The following R3HDM1 variants were observed in gnomAD, a reference collection of about 807,000 sequenced individuals.
R3HDM1 encodes the protein R3H domain containing 1, also known as R3H domain-containing protein 1.
R3HDM1 carries 46 observed loss-of-function variants against 141.1 expected under a neutral mutation model. That is an observed-to-expected ratio of 0.33 (90% confidence interval 0.26 to 0.42). The LOEUF is 0.42. Among genes scored for constraint, R3HDM1 ranks in the 10% least tolerant of loss-of-function variants. R3HDM1 has a pLI of 1.00. For synonymous variants in R3HDM1, 435 were observed against 472.9 expected (o/e 0.92, Z 1.04); for missense variants, 1,184 against 1,368.3 (o/e 0.87, Z 2.12).
chr2:135,544,134 A>G (rs1406659265), intron 1 of R3HDM1, among the ~76,000 whole-genome samples: 1 of 152,248 alleles, frequency 6.6e-6, no homozygotes, highest in East Asian at 1.9e-4. Context: ...GGAAACCGCT[A>G]AAGAAATTAT....
intron 18 of R3HDM1, 87 bp downstream of exon 18, chr2:135,652,119 C>G (rs980151773): frequency 1.4e-6 from 2 of 1,459,120 alleles, no homozygotes; most frequent in Admixed American, 5.4e-5. Context: ...TTTAAATTCT[C>G]ATGAAGAGAA....
chr2:135,682,885 T>G, intron 21 of R3HDM1, among the ~76,000 whole-genome samples: 1 of 152,052 alleles, frequency 6.6e-6, no homozygotes, highest in Non-Finnish European at 1.5e-5. Flanking sequence ...TAATCCCAGC[T>G]ACTCGGGAGG....
chr2:135,666,789 A>C (rs901165929), intron 19 of R3HDM1, among the ~76,000 whole-genome samples: 1 of 152,168 alleles, frequency 6.6e-6, no homozygotes, highest in African/African-American at 2.4e-5. Context: ...GGCTGGCTTT[A>C]GTTGAACTTG....
At chr2:135,680,075 A>G (rs1449312897) in intron 20 of R3HDM1, 98 bp from the exon 21 acceptor site, 10 of 1,262,040 alleles carry the variant, frequency 7.9e-6, no homozygotes, top group Non-Finnish European at 1.1e-5. Flanking sequence ...GCAAGAATTC[A>G]TCTCGAAAAA....
intron 5 of R3HDM1, chr2:135,620,408 G>C (rs1367607839): frequency 1.2e-6 from 1 of 857,252 alleles, no homozygotes; most frequent in Non-Finnish European, 1.4e-6. Context: ...TGAGTGTAAG[G>C]AAGTTGCCAG....
intron 1 of R3HDM1, among the ~76,000 whole-genome samples, chr2:135,551,610 A>C (rs61259300): frequency 0.044 from 6,750 of 152,326 alleles, 502 homozygotes; most frequent in African/African-American, 0.15. Context: ...TTGCATAGGA[A>C]CACTGATAGT....
At chr2:135,682,956 C>T (rs1574988146) in intron 21 of R3HDM1, among the ~76,000 whole-genome samples, 1 of 152,028 alleles carries the variant, frequency 6.6e-6, no homozygotes, top group South Asian at 2.1e-4. Flanking sequence ...CAGATTGCAC[C>T]ACAGCACTTC....
intron 24 of R3HDM1, among the ~76,000 whole-genome samples, chr2:135,716,369 T>C (rs566021841): frequency 6.6e-6 from 1 of 152,352 alleles, no homozygotes; most frequent in East Asian, 1.9e-4. Flanking sequence ...GAAATGGCTA[T>C]GCCCTTGGTG....
intron 3 of R3HDM1, among the ~76,000 whole-genome samples, chr2:135,612,985 A>G (rs537699280): frequency 2.1e-4 from 32 of 152,380 alleles, no homozygotes; most frequent in African/African-American, 7.5e-4. Flanking sequence ...ATCGAAATAA[A>G]TTATGTTATT....
rs1431302163 is a variant in R3HDM1, at chr2:135,616,757, G to C, written c.303G>C (p.Gln101His). 1 of 1,589,022 alleles carries C rather than the reference G, an allele frequency of 6.3e-7. No homozygotes were observed. Among genetic ancestry groups the C allele is most frequent in the Admixed American group, 1.7e-5 (1 of 58,992 alleles). Residue 101 changes from glutamine (Q) to histidine (H), a missense_variant and splice_region_variant, in exon 5 of 27, where the codon CAG becomes CAC. Physicochemically the swap from Gln to His is conservative, Grantham distance 24. This residue lies in a region of R3HDM1 where 192 missense variants were observed against 215.7 expected (regional missense o/e 0.89). Coordinates refer to ENST00000683871, the MANE Select transcript of R3HDM1 (RefSeq NM_001378107.1). ...CACCAGAGATATCACAGGAGAACCA[G>C]GTAAAAAAGCAAAACAAATGTTATT... ...PPAPEISQEN[Q>H]EKIQIQLTQS...
chr2:135,543,510 A>T (rs1698062001), intron 1 of R3HDM1, among the ~76,000 whole-genome samples: 1 of 152,038 alleles, frequency 6.6e-6, no homozygotes, highest in African/African-American at 2.4e-5. Flanking sequence ...TCTGCAAAGA[A>T]GCCAGCTTGG....
At chr2:135,613,596 C>T (rs1026002301) in intron 3 of R3HDM1, among the ~76,000 whole-genome samples, 1 of 152,126 alleles carries the variant, frequency 6.6e-6, no homozygotes, top group African/African-American at 2.4e-5. Flanking sequence ...GCGGACTGCT[C>T]AGTTGAGGTC....
chr2:135,657,835 A>G lies in R3HDM1; in HGVS notation c.2029-3435A>G, dbSNP rs1037608406. On this transcript the variant is annotated intron_variant, in intron 18 of 26. Transcript: ENST00000683871. ...ACTAATAGCTCTGGAAGGAAAAATA[A>G]ATCAAGATGGTCTTGATGGCATTTT... 9.9e-5 allele frequency among the ~76,000 whole-genome samples: 15 copies of G among 152,224 alleles called. No individual in the cohort carries two copies. In the Middle Eastern group the frequency reaches 9.5e-3, roughly 96 times the overall value.
At chr2:135,661,035 G>A (rs2066634177) in intron 18 of R3HDM1, among the ~76,000 whole-genome samples, 1 of 151,868 alleles carries the variant, frequency 6.6e-6, no homozygotes, top group Admixed American at 6.6e-5. Context: ...AGAGAGAGCT[G>A]AAGCAAATAT....
intron 25 of R3HDM1, 78 bp downstream of exon 25, chr2:135,722,084 C>A: frequency 7.1e-7 from 1 of 1,401,092 alleles, no homozygotes; most frequent in Non-Finnish European, 1.0e-6. Context: ...CAACCCTGAG[C>A]CCACCTGTTG....
intron 1 of R3HDM1, chr2:135,531,862 TCGCCTGGCC>T (rs1694807255): frequency 1.0e-6 from 1 of 983,644 alleles, no homozygotes; most frequent in African/African-American, 1.7e-5. Flanking sequence ...TGAGCCAGGC[TCGCCTGGCC>T]CGCGGCTGCG....
At chr2:135,536,818 T>G in intron 1 of R3HDM1, 2 of 631,650 alleles carry the variant, frequency 3.2e-6, no homozygotes, top group Non-Finnish European at 3.9e-6. Context: ...ACCTGAGCTC[T>G]GCCTCCTGTC....
At chr2:135,708,531 G>T (rs1156913506) in intron 21 of R3HDM1, among the ~76,000 whole-genome samples, 1 of 152,180 alleles carries the variant, frequency 6.6e-6, no homozygotes, top group African/African-American at 2.4e-5. Flanking sequence ...TAGAGTTTTA[G>T]ATATAAATTA....
In R3HDM1 at chr2:135,624,761, G is replaced by A. The variant is rs142189570; in HGVS notation, c.497+2029G>A. Among the ~76,000 whole-genome samples the A allele has an allele frequency of 2.9e-3, 447 of 152,240 alleles. 2 individuals carry two copies. Among genetic ancestry groups the A allele is most frequent in the African/African-American group, 0.01 (423 of 41,528 alleles). On this transcript the variant is annotated intron_variant, in intron 7 of 26. Transcript: ENST00000683871. The stretch of plus-strand genomic sequence containing the variant: ...TTTGGTGTTTTAGAAAGATTATTTT[G>A]GCAGAGATAACTGTAAAGAAAAAGA...
Sources: allele counts gnomAD v4.1 joint callset (sites outside exome capture counted in the v4.1 genomes callset), GRCh38; gene constraint gnomAD v4.1.1; regional missense constraint gnomAD v4.1.1; transcripts MANE v1.5; gene names NCBI Gene and HGNC (gene_info 2026-07-23, HGNC 2026-07-21).